The following ZMAT4 variants were observed in gnomAD, a reference collection of about 807,000 sequenced individuals.
The protein encoded by ZMAT4 is zinc finger matrin-type protein 4.
In ZMAT4, 17 loss-of-function variants were observed where a neutral mutation model predicts 28.7. The ratio of observed to expected loss-of-function variants is 0.59; its 90% CI spans 0.41 to 0.89. The LOEUF (loss-of-function observed/expected upper bound fraction) is 0.89. Ranked by LOEUF, ZMAT4 falls within the 40% of genes least tolerant of loss-of-function variation. The pLI is 0.00. For missense variants in ZMAT4, 240 were observed against 283.8 expected (o/e 0.85, Z 1.11); for synonymous variants, 117 against 109.2 (o/e 1.07, Z -0.44).
At position 40,789,387 on chromosome 8, in the gene ZMAT4, A is replaced by G. The variant is rs554294695; in HGVS notation, c.103-21657T>C. Among the ~76,000 whole-genome samples the G allele has an allele frequency of 2.0e-5, 3 of 152,342 alleles. No homozygotes were observed. In the South Asian group the frequency reaches 6.2e-4, roughly 32 times the overall value. ...AATATTGTACTGGGAAGTTCTAGCCAGCATGATAAGGCAAGAAAAAGAAAT... is the reference window on the plus strand; with the variant it reads ...AATATTGTACTGGGAAGTTCTAGCCGGCATGATAAGGCAAGAAAAAGAAAT... On this transcript the variant is annotated intron_variant, in intron 2 of 6. Transcript: ENST00000297737.
At chr8:40,751,964 T>C (rs1812471521) in intron 3 of ZMAT4, among the ~76,000 whole-genome samples, 1 of 152,208 alleles carries the variant, frequency 6.6e-6, no homozygotes, top group South Asian at 2.1e-4. Flanking sequence ...TCTAACGCTG[T>C]GATCTCTGGG....
At chr8:40,828,563 A>C (rs578244230) in intron 1 of ZMAT4, among the ~76,000 whole-genome samples, 9 of 152,354 alleles carry the variant, frequency 5.9e-5, no homozygotes, top group African/African-American at 1.9e-4. Context: ...ATACTAAAAA[A>C]AATTCAAGGG....
intron 5 of ZMAT4, among the ~76,000 whole-genome samples, chr8:40,608,365 C>A (rs551854567): frequency 6.6e-6 from 1 of 152,234 alleles, no homozygotes; most frequent in African/African-American, 2.4e-5. Context: ...GGAAAGCTGG[C>A]AGTGACAGGC....
chr8:40,744,761 T>C (rs745662779), intron 3 of ZMAT4, among the ~76,000 whole-genome samples: 6 of 152,220 alleles, frequency 3.9e-5, no homozygotes, highest in Non-Finnish European at 8.8e-5. Flanking sequence ...GTAAAATGTT[T>C]TAGCTGGTCT....
chr8:40,810,063 A>G (rs948784605), intron 2 of ZMAT4, among the ~76,000 whole-genome samples: 2 of 152,114 alleles, frequency 1.3e-5, no homozygotes, highest in South Asian at 4.1e-4. Flanking sequence ...AAACAAACAA[A>G]CAAAATATAT....
chr8:40,891,545 G>A (rs768656129), intron 1 of ZMAT4, among the ~76,000 whole-genome samples: 2 of 152,038 alleles, frequency 1.3e-5, no homozygotes, highest in Non-Finnish European at 2.9e-5. Flanking sequence ...AGCCCCTGGC[G>A]TTCCCTGGGC....
chr8:40,854,743 G>A (rs1403015350), intron 1 of ZMAT4, among the ~76,000 whole-genome samples: 2 of 152,148 alleles, frequency 1.3e-5, no homozygotes, highest in Admixed American at 6.5e-5. Flanking sequence ...GGTGCACACA[G>A]CTCCTGGCAG....
chr8:40,761,460 T>C (rs541080593), intron 3 of ZMAT4, among the ~76,000 whole-genome samples: 1 of 152,184 alleles, frequency 6.6e-6, no homozygotes, highest in Admixed American at 6.5e-5. Context: ...GGTACAAATC[T>C]TCCAGAGCCT....
intron 5 of ZMAT4, among the ~76,000 whole-genome samples, chr8:40,603,242 G>A (rs544734678): frequency 8.8e-4 from 134 of 152,220 alleles, no homozygotes; most frequent in African/African-American, 3.1e-3. Flanking sequence ...GTGAATATTT[G>A]GCTTTATTTC....
intron 6 of ZMAT4, among the ~76,000 whole-genome samples, chr8:40,565,369 G>T: frequency 7.1e-6 from 1 of 141,372 alleles, no homozygotes; most frequent in African/African-American, 2.6e-5. Context: ...CTGGTTTGGT[G>T]CCACCATCTT....
At chr8:40,881,528 CAGAAAGAAAGAAAGAAAGAAAGAAAGAA>C (rs201960642) in intron 1 of ZMAT4, among the ~76,000 whole-genome samples, 29 of 51,930 alleles carry the variant, frequency 5.6e-4, no homozygotes, top group Admixed American at 2.0e-3. Flanking sequence ...GAGAGAGAGA[CAGAAAGAAAGAAAGAAAGAAAGAAAGAA>C]AGAAAGAAAG....
intron 5 of ZMAT4, among the ~76,000 whole-genome samples, chr8:40,606,664 T>G (rs1181786151): frequency 1.3e-5 from 2 of 152,208 alleles, no homozygotes; most frequent in East Asian, 3.8e-4. Context: ...CCTAAGTGAT[T>G]ATCTTTTTGC....
At chr8:40,701,804 C>T (rs1207369690) in intron 3 of ZMAT4, among the ~76,000 whole-genome samples, 1 of 152,078 alleles carries the variant, frequency 6.6e-6, no homozygotes, top group African/African-American at 2.4e-5. Context: ...AGGCATCAGC[C>T]ACCACTGCCC....
intron 2 of ZMAT4, among the ~76,000 whole-genome samples, chr8:40,801,239 CAGAA>C (rs1814816441): frequency 2.0e-5 from 3 of 150,812 alleles, no homozygotes; most frequent in Admixed American, 2.0e-4. Flanking sequence ...CCTTCCAAAA[CAGAA>C]AGCACCAGAC....
chr8:40,816,889 G>C lies in ZMAT4; in HGVS notation c.102+8686C>G, dbSNP rs16875490. On this transcript the variant is annotated intron_variant, in intron 2 of 6. Transcript: ENST00000297737. ...AATTTGGGACATAGAGAATTGGAAA[G>C]ACCATTTGCCAATTGCTTCTAGACA... Among the ~76,000 whole-genome samples the C allele has an allele frequency of 0.02, 2,998 of 152,250 alleles. 156 individuals are homozygous for C. In the East Asian group the frequency reaches 0.21, roughly 11 times the overall value.
rs182414211 is a variant in ZMAT4, at chr8:40,896,700, C to T, written c.-5+983G>A. ...TCGCGATTTAGAATGCTCAAGGGTG[C>T]TTCTGGGCTGAACCAGCTGCCTGCC... On this transcript the variant is annotated intron_variant, in intron 1 of 6. Transcript: ENST00000297737. 3.5e-3 allele frequency among the ~76,000 whole-genome samples: 530 copies of T among 152,274 alleles called. 3 individuals carry two copies. Among genetic ancestry groups the T allele is most frequent in the Non-Finnish European group, 5.0e-3 (341 of 68,016 alleles).
chr8:40,582,397 G>A (rs562243360), intron 5 of ZMAT4, among the ~76,000 whole-genome samples: 2 of 152,128 alleles, frequency 1.3e-5, no homozygotes, highest in African/African-American at 2.4e-5. Flanking sequence ...CTACTCAGGA[G>A]GCTGAGAGCC....
At chr8:40,854,970 T>C (rs1349009417) in intron 1 of ZMAT4, among the ~76,000 whole-genome samples, 1 of 152,152 alleles carries the variant, frequency 6.6e-6, no homozygotes, top group Admixed American at 6.5e-5. Context: ...AAAAATTGAT[T>C]TAATGAAAGA....
intron 1 of ZMAT4, among the ~76,000 whole-genome samples, chr8:40,838,632 T>G (rs1406591826): frequency 1.3e-5 from 2 of 152,152 alleles, no homozygotes; most frequent in African/African-American, 4.8e-5. Flanking sequence ...TATTGGTGTC[T>G]TCAACCATCC....
Sources: allele counts gnomAD v4.1 joint callset (sites outside exome capture counted in the v4.1 genomes callset), GRCh38; gene constraint gnomAD v4.1.1; transcripts MANE v1.5; gene names NCBI Gene and HGNC (gene_info 2026-07-23, HGNC 2026-07-21).